Variants in ULK4 observed in about 807,000 individuals in gnomAD.
The protein encoded by ULK4 is unc-51 like kinase 4.
A neutral mutation model predicts 160.6 loss-of-function variants in ULK4; 133 were observed. The observed-to-expected ratio is 0.83, with a 90% CI of 0.72 to 0.96. ULK4 has a LOEUF of 0.96. Among genes scored for constraint, ULK4 ranks in the 40% least tolerant of loss-of-function variants. The probability of loss-of-function intolerance (pLI) is 0.00; values close to 1 mark genes in which losing one functional copy is unlikely to be tolerated. For missense variants in ULK4, 1,580 were observed against 1,499.5 expected (o/e 1.05, Z -0.89); for synonymous variants, 534 against 539.8 (o/e 0.99, Z 0.15).
At chr3:41,543,645 AAC>A (rs2086765851) in intron 32 of ULK4, among the ~76,000 whole-genome samples, 1 of 152,124 alleles carries the variant, frequency 6.6e-6, no homozygotes, top group African/African-American at 2.4e-5. Context: ...AGTCAGTTTT[AAC>A]AGTTTGTCTT....
chr3:41,799,758 G>A (rs1300540231), intron 20 of ULK4, among the ~76,000 whole-genome samples: 1 of 152,142 alleles, frequency 6.6e-6, no homozygotes, highest in Non-Finnish European at 1.5e-5. Flanking sequence ...AGCTACTTGG[G>A]AGGCTGACGC....
At chr3:41,680,044 A>G (rs73828215) in intron 29 of ULK4, among the ~76,000 whole-genome samples, 19,960 of 152,154 alleles carry the variant, frequency 0.13, 3,068 homozygotes, top group African/African-American at 0.37. Flanking sequence ...TATATTTTGT[A>G]CAAAAACTAC....
At chr3:41,705,623 A>C (rs2036850994) in intron 25 of ULK4, among the ~76,000 whole-genome samples, 1 of 151,906 alleles carries the variant, frequency 6.6e-6, no homozygotes, top group African/African-American at 2.4e-5. Flanking sequence ...CAGCCTCCTG[A>C]GTATCTGGGA....
At position 41,496,079 on chromosome 3, in the gene ULK4, T is replaced by G. The variant is rs2084977577; in HGVS notation, c.3227-32826A>C. ...GTAGTATTTGTAAAACGTATCAAAT[T>G]TGTAAACATATTAAATAAGAGAAAA... On this transcript the variant is annotated intron_variant, in intron 32 of 36. Transcript: ENST00000301831. 2.0e-5 allele frequency among the ~76,000 whole-genome samples: 3 copies of G among 152,118 alleles called. No individual in the cohort carries two copies. The South Asian group carries it at 6.2e-4, about 32-fold the overall frequency.
At chr3:41,356,979 T>C (rs1428155136) in intron 35 of ULK4, among the ~76,000 whole-genome samples, 2 of 152,136 alleles carry the variant, frequency 1.3e-5, no homozygotes, top group Admixed American at 6.5e-5. Flanking sequence ...GCAAAAGGTA[T>C]GATAGTGAGT....
intron 34 of ULK4, among the ~76,000 whole-genome samples, chr3:41,452,506 C>G (rs1041704865): frequency 1.3e-5 from 2 of 151,986 alleles, no homozygotes; most frequent in African/African-American, 4.8e-5. Flanking sequence ...GTAAGCAAAC[C>G]CAGGTTCATC....
chr3:41,922,528 G>A (rs1264405617), intron 5 of ULK4, among the ~76,000 whole-genome samples: 1 of 151,830 alleles, frequency 6.6e-6, no homozygotes, highest in Non-Finnish European at 1.5e-5. Context: ...GTAAGGGCAT[G>A]GGTGTGAGCA....
chr3:41,809,845 T>C (rs1358382877), intron 19 of ULK4, among the ~76,000 whole-genome samples: 1 of 152,240 alleles, frequency 6.6e-6, no homozygotes, highest in Non-Finnish European at 1.5e-5. Context: ...TAAGTTTATC[T>C]ATTGGGATGT....
In ULK4 at chr3:41,831,531, A is replaced by ATATATAGAGATATAT; in HGVS notation, c.1764+4332_1764+4333insATATATCTCTATATA. On this transcript the variant is annotated intron_variant, in intron 18 of 36. Coordinates refer to ENST00000301831, the MANE Select transcript of ULK4 (RefSeq NM_017886.4). ...TTATTGTTATTTTATATATATATATATTTTTTTTTCTTTCTTAAACTTTAG... is the reference window on the plus strand; with the variant it reads ...TTATTGTTATTTTATATATATATATATATATAGAGATATATTTTTTTTTTCTTTCTTAAACTTTAG... Among the ~76,000 whole-genome samples, 594 of 138,124 alleles carry ATATATAGAGATATAT rather than the reference A, an allele frequency of 4.3e-3. 10 individuals carry two copies. Among genetic ancestry groups the ATATATAGAGATATAT allele is most frequent in the African/African-American group, 0.016 (565 of 35,268 alleles). 90.6% of individuals were successfully genotyped at this position (138,124 alleles called of 152,430 possible).
At chr3:41,521,433 T>C (rs551250956) in intron 32 of ULK4, among the ~76,000 whole-genome samples, 4 of 152,300 alleles carry the variant, frequency 2.6e-5, no homozygotes, top group South Asian at 2.1e-4. Context: ...ATATGTATAG[T>C]TCTCAAATTC....
intron 31 of ULK4, among the ~76,000 whole-genome samples, chr3:41,583,356 T>A (rs189576696): frequency 1.3e-5 from 2 of 152,354 alleles, no homozygotes; most frequent in African/African-American, 4.8e-5. Flanking sequence ...TTTGCAAGCA[T>A]AAATAAGTCT....
At chr3:41,484,447 T>C (rs965966559) in intron 32 of ULK4, among the ~76,000 whole-genome samples, 2 of 137,700 alleles carry the variant, frequency 1.5e-5, no homozygotes, top group African/African-American at 5.4e-5. Context: ...GACTTTTTTT[T>C]CTTTCTTTTC....
intron 21 of ULK4, among the ~76,000 whole-genome samples, chr3:41,788,007 A>G (rs2040045865): frequency 6.6e-6 from 1 of 152,182 alleles, no homozygotes; most frequent in Non-Finnish European, 1.5e-5. Context: ...ATTACCTGGT[A>G]AAATTATTCA....
In ULK4 at chr3:41,898,443, G is replaced by T. The variant is rs1371041618; in HGVS notation, c.1337C>A (p.Pro446Gln). 1.3e-6 allele frequency: 2 copies of T among 1,592,152 alleles called. No homozygotes were observed. Among genetic ancestry groups the T allele is most frequent in the Admixed American group, 1.8e-5 (1 of 56,876 alleles). ...VKFDAKILHLPTYSVDKLLFL... is the reference protein window; with the variant it reads ...VKFDAKILHLQTYSVDKLLFL... Reference sequence around the variant, plus strand: ...CTTTATGATCCTACCTGAATATGTTGGTAGATGCAATATTTTTGCATCAAA... The same window carrying T: ...CTTTATGATCCTACCTGAATATGTTTGTAGATGCAATATTTTTGCATCAAA... Residue 446 changes from proline (P) to glutamine (Q), a missense_variant, in exon 14 of 37, where the codon CCA becomes CAA. By Grantham distance (76) the Pro-to-Gln change is moderately conservative. Coordinates refer to ENST00000301831, the MANE Select transcript of ULK4 (RefSeq NM_017886.4).
At chr3:41,706,023 C>A (rs1205993272) in intron 25 of ULK4, among the ~76,000 whole-genome samples, 2 of 152,160 alleles carry the variant, frequency 1.3e-5, no homozygotes, top group Middle Eastern at 3.4e-3. Context: ...GCTCTCAAGG[C>A]CTGTCTTCAA....
intron 35 of ULK4, among the ~76,000 whole-genome samples, chr3:41,273,264 C>T (rs1392522310): frequency 1.3e-5 from 2 of 152,122 alleles, no homozygotes; most frequent in African/African-American, 2.4e-5. Flanking sequence ...TGAAGCAGTG[C>T]TCAATCTAGG....
chr3:41,384,300 A>C (rs907995506), intron 35 of ULK4, among the ~76,000 whole-genome samples: 1 of 152,210 alleles, frequency 6.6e-6, no homozygotes, highest in Non-Finnish European at 1.5e-5. Flanking sequence ...GCTTTTCAAA[A>C]AGTCAATTTC....
chr3:41,343,250 G>A (rs2080723734), intron 35 of ULK4, among the ~76,000 whole-genome samples: 1 of 143,664 alleles, frequency 7.0e-6, no homozygotes, highest in Non-Finnish European at 1.5e-5. Context: ...GTTCACAGAA[G>A]ACATGATCCT....
chr3:41,608,830 A>G (rs558047235), intron 31 of ULK4, among the ~76,000 whole-genome samples: 4 of 152,308 alleles, frequency 2.6e-5, no homozygotes, highest in African/African-American at 9.6e-5. Context: ...CCTTCCTACT[A>G]TTTCATTTTC....
Sources: allele counts gnomAD v4.1 joint callset (sites outside exome capture counted in the v4.1 genomes callset), GRCh38; gene constraint gnomAD v4.1.1; transcripts MANE v1.5; gene names NCBI Gene and HGNC (gene_info 2026-07-23, HGNC 2026-07-21).